LRP1B: variants seen among roughly 807,000 people sequenced by gnomAD.
The protein encoded by LRP1B is LDL receptor related protein 1B.
LRP1B carries 217 observed loss-of-function variants against 556.6 expected under a neutral mutation model. The ratio of observed to expected loss-of-function variants is 0.39; its 90% CI spans 0.35 to 0.44. The LOEUF (loss-of-function observed/expected upper bound fraction) is 0.44. LRP1B is among the 20% of genes least tolerant of loss of function. The pLI is 1.00. For synonymous variants in LRP1B, 2,047 were observed against 1,865.8 expected (o/e 1.10, Z -2.50); for missense variants, 5,053 against 5,620.8 (o/e 0.90, Z 3.23).
intron 2 of LRP1B, among the ~76,000 whole-genome samples, chr2:141,761,916 G>T (rs1694566057): frequency 6.6e-6 from 1 of 152,088 alleles, no homozygotes. Flanking sequence ...TCATGAGTTT[G>T]CTCAGTGCTC....
chr2:141,583,925 C>T (rs550482682), intron 2 of LRP1B, among the ~76,000 whole-genome samples: 52 of 145,852 alleles, frequency 3.6e-4, no homozygotes, highest in African/African-American at 1.3e-3. Flanking sequence ...TTTTTAGTAG[C>T]GATGGGGTTT....
chr2:140,531,896 A>G (rs1289455406), intron 47 of LRP1B, among the ~76,000 whole-genome samples: 2 of 152,134 alleles, frequency 1.3e-5, no homozygotes, highest in Non-Finnish European at 2.9e-5. Context: ...TTTCTTAAGC[A>G]TATCCCTCTA....
chr2:141,963,283 G>A lies in LRP1B; in HGVS notation c.83-152882C>T, dbSNP rs181864330. ...TCTACTTCTCTTTGGAGGTGTGCTG[G>A]AATATGAATACATCAATTTCAATTG... On this transcript the variant is annotated intron_variant, in intron 1 of 90. Coordinates refer to ENST00000389484, the MANE Select transcript of LRP1B (RefSeq NM_018557.3). Among the ~76,000 whole-genome samples the A allele has an allele frequency of 2.2e-3, 337 of 151,852 alleles. 1 individual carries two copies. The highest frequency in any genetic ancestry group is 4.1e-3 in the Non-Finnish European group (276 of 67,850).
intron 1 of LRP1B, among the ~76,000 whole-genome samples, chr2:141,987,231 G>A (rs1166420529): frequency 1.3e-5 from 2 of 151,906 alleles, no homozygotes; most frequent in Admixed American, 6.6e-5. Flanking sequence ...CACGGATCAA[G>A]TAAACAAAGA....
At chr2:140,411,578 C>T (rs1261630002) in intron 66 of LRP1B, among the ~76,000 whole-genome samples, 2 of 151,916 alleles carry the variant, frequency 1.3e-5, no homozygotes, top group East Asian at 3.9e-4. Flanking sequence ...TGTGACATGC[C>T]CAAGTCACAC....
intron 11 of LRP1B, among the ~76,000 whole-genome samples, chr2:141,047,218 A>G (rs1354466371): frequency 6.6e-6 from 1 of 152,122 alleles, no homozygotes; most frequent in South Asian, 2.1e-4. Flanking sequence ...AAGTAGGCAG[A>G]CAGCCTCTGT....
intron 2 of LRP1B, among the ~76,000 whole-genome samples, chr2:141,803,369 C>A (rs1037757029): frequency 6.6e-6 from 1 of 151,772 alleles, no homozygotes; most frequent in Admixed American, 6.6e-5. Context: ...TTACACTGAT[C>A]CCCACCTTCC....
chr2:140,621,968 G>A (rs1304479132), intron 41 of LRP1B, among the ~76,000 whole-genome samples: 1 of 152,170 alleles, frequency 6.6e-6, no homozygotes, highest in Non-Finnish European at 1.5e-5. Flanking sequence ...AAATCATGTA[G>A]GACATTATAG....
intron 32 of LRP1B, among the ~76,000 whole-genome samples, chr2:140,799,960 T>C (rs1311014868): frequency 6.6e-6 from 1 of 152,068 alleles, no homozygotes; most frequent in African/African-American, 2.4e-5. Flanking sequence ...GGGTGAGGCA[T>C]TGCCTCAGCC....
chr2:141,801,495 G>A (rs183588380), intron 2 of LRP1B, among the ~76,000 whole-genome samples: 81 of 152,176 alleles, frequency 5.3e-4, no homozygotes, highest in African/African-American at 1.7e-3. Flanking sequence ...AAAGATAGCC[G>A]TTATTTGCAC....
intron 67 of LRP1B, among the ~76,000 whole-genome samples, chr2:140,381,946 A>G (rs1683523564): frequency 6.6e-6 from 1 of 151,574 alleles, no homozygotes; most frequent in Non-Finnish European, 1.5e-5. Context: ...TTCAATACTG[A>G]TGGAGGTAAA....
chr2:141,850,290 T>C (rs1697803730), intron 1 of LRP1B, among the ~76,000 whole-genome samples: 2 of 151,674 alleles, frequency 1.3e-5, no homozygotes, highest in African/African-American at 4.8e-5. Flanking sequence ...AGCAAAACAA[T>C]CTGATTAGAT....
intron 1 of LRP1B, among the ~76,000 whole-genome samples, chr2:142,025,773 T>C (rs1048405765): frequency 2.0e-5 from 3 of 152,002 alleles, no homozygotes; most frequent in African/African-American, 7.2e-5. Context: ...TATTAAAGAG[T>C]TGATTGATTA....
chr2:141,239,561 C>G (rs1424829220), intron 5 of LRP1B, among the ~76,000 whole-genome samples: 2 of 151,932 alleles, frequency 1.3e-5, no homozygotes, highest in Non-Finnish European at 2.9e-5. Context: ...GAGTCTAATC[C>G]TCGAACAGGT....
At chr2:141,821,108 A>C (rs1426347114) in intron 1 of LRP1B, among the ~76,000 whole-genome samples, 1 of 152,244 alleles carries the variant, frequency 6.6e-6, no homozygotes, top group African/African-American at 2.4e-5. Flanking sequence ...TAACTCTAAC[A>C]GCTGGGAAGG....
chr2:141,602,993 T>C (rs1687802843), intron 2 of LRP1B, among the ~76,000 whole-genome samples: 2 of 152,220 alleles, frequency 1.3e-5, no homozygotes, highest in African/African-American at 2.4e-5. Context: ...CATTGTTAAA[T>C]TGAGATTTAC....
intron 2 of LRP1B, among the ~76,000 whole-genome samples, chr2:141,508,059 C>G (rs747462535): frequency 6.8e-6 from 1 of 147,936 alleles, no homozygotes; most frequent in Non-Finnish European, 1.5e-5. Flanking sequence ...GCATTCCAGT[C>G]TGGATGAAAG....
intron 6 of LRP1B, among the ~76,000 whole-genome samples, chr2:141,215,318 T>C (rs1553477134): frequency 2.0e-5 from 3 of 152,192 alleles, no homozygotes; most frequent in Non-Finnish European, 4.4e-5. Context: ...CATGAGCAAA[T>C]TAAACCTCTT....
At chr2:140,264,727 T>C (rs1682118010) in intron 86 of LRP1B, among the ~76,000 whole-genome samples, 1 of 143,440 alleles carries the variant, frequency 7.0e-6, no homozygotes, top group African/African-American at 3.0e-5. Context: ...TGTGTGTGTG[T>C]GTGTGTGTGT....
Sources: gnomAD v4.1 joint callset for allele counts (sites outside exome capture counted in the v4.1 genomes callset) on GRCh38, gnomAD v4.1.1 for gene constraint, MANE v1.5 for transcripts, NCBI Gene and HGNC (gene_info 2026-07-23, HGNC 2026-07-21) for gene names.